The following OSER1 variants were observed in gnomAD, a reference collection of about 807,000 sequenced individuals.
The protein encoded by OSER1 is oxidative stress-responsive serine-rich protein 1.
A neutral mutation model predicts 26.3 loss-of-function variants in OSER1; 15 were observed. The observed-to-expected ratio is 0.57, with a 90% CI of 0.38 to 0.88. OSER1 has a LOEUF of 0.88. Among genes scored for constraint, OSER1 ranks in the 40% least tolerant of loss-of-function variants. The probability of loss-of-function intolerance (pLI) is 0.00; values close to 1 mark genes in which losing one functional copy is unlikely to be tolerated. For synonymous variants in OSER1, 127 were observed against 128.2 expected (o/e 0.99, Z 0.07); for missense variants, 313 against 353.9 (o/e 0.88, Z 0.93).
chr20:44,207,519 A>C (rs2073049888), intron 1 of OSER1: 1 of 152,348 alleles, frequency 6.6e-6, no homozygotes, highest in Non-Finnish European at 1.5e-5. Context: ...ACAAGACGTT[A>C]CCACTGTGAA....
At position 44,207,000 on chromosome 20, in the gene OSER1, TAAA is replaced by T. The variant is rs775469456; in HGVS notation, c.-41-5_-41-3del. On this transcript the variant is annotated splice_region_variant and splice_polypyrimidine_tract_variant and intron_variant, in intron 1 of 3. Transcript: ENST00000255174. ...TACTTATCGATGTTCCTGTTTACAC[TAAA>T]AAAGAAAATAAAGTGAGCAAAGTAA... The T allele has an allele frequency of 6.9e-7, 1 of 1,452,024 alleles. No individual in the cohort carries two copies. The highest frequency in any genetic ancestry group is 1.2e-5 in the South Asian group (1 of 85,342). The allele number at this position is 1,452,024 out of a possible 1,614,324, so 89.9% of individuals were successfully genotyped here. A position where few individuals can be genotyped will look rare whatever the true frequency, so the allele number is the denominator to read the frequency against.
At chr20:44,206,390 G>C (rs1322653212) in intron 2 of OSER1, among the ~76,000 whole-genome samples, 1 of 152,216 alleles carries the variant, frequency 6.6e-6, no homozygotes, top group Non-Finnish European at 1.5e-5. Flanking sequence ...GCTCTAATTA[G>C]TTTGGCCAAA....
Position 44,196,950 on chromosome 20 carries a change from AAG to A in OSER1, c.*100_*101del. On this transcript the variant is annotated 3_prime_UTR_variant, in exon 4 of 4. Transcript: ENST00000255174. Reference sequence around the variant, plus strand: ...TTTTATTGCAAGCACAGTGAGCAGAAAGAGATGTCTTCTCACACAAAGTGGCC... The same window carrying A: ...TTTTATTGCAAGCACAGTGAGCAGAAAGATGTCTTCTCACACAAAGTGGCC... 5 of 774,932 alleles carry A rather than the reference AAG, an allele frequency of 6.5e-6. No homozygotes were observed. The highest frequency in any genetic ancestry group is 1.1e-5 in the Non-Finnish European group (5 of 462,800). The allele number at this position is 774,932 out of a possible 1,614,324, so 48.0% of individuals were successfully genotyped here. A position where few individuals can be genotyped will look rare whatever the true frequency, so the allele number is the denominator to read the frequency against.
At chr20:44,203,361 T>C (rs557685683) in intron 2 of OSER1, among the ~76,000 whole-genome samples, 1 of 152,326 alleles carries the variant, frequency 6.6e-6, no homozygotes, top group Non-Finnish European at 1.5e-5. Context: ...TCAGGCCTTA[T>C]GGCCAGAGAA....
At chr20:44,206,095 G>A (rs1032851924) in intron 2 of OSER1, among the ~76,000 whole-genome samples, 3 of 152,106 alleles carry the variant, frequency 2.0e-5, no homozygotes, top group African/African-American at 7.2e-5. Flanking sequence ...TAGTACCCAT[G>A]TCCTAAGGTG....
At position 44,203,694 on chromosome 20, in the gene OSER1, T is replaced by TAACACACACACACACACACA. The variant is rs1555866748; in HGVS notation, c.78-621_78-620insTGTGTGTGTGTGTGTGTGTT. Among the ~76,000 whole-genome samples the TAACACACACACACACACACA allele has an allele frequency of 1.3e-3, 184 of 145,448 alleles. 2 individuals carry two copies. Among genetic ancestry groups the TAACACACACACACACACACA allele is most frequent in the African/African-American group, 4.5e-3 (178 of 39,206 alleles). ...TGGTGGAAATCCTTCCAGACTTTTT[T>TAACACACACACACACACACA]CACACACACACACACACACACACAC... On this transcript the variant is annotated intron_variant, in intron 2 of 3. Coordinates refer to ENST00000255174, the MANE Select transcript of OSER1 (RefSeq NM_016470.8).
In OSER1 at chr20:44,196,451, C is replaced by T. The variant is rs143110261; in HGVS notation, c.*601G>A. 6.6e-6 allele frequency: 1 copy of T among 152,302 alleles called. No individual in the cohort carries two copies. The highest frequency in any genetic ancestry group is 1.5e-5 in the Non-Finnish European group (1 of 68,156). 9.4% of individuals were successfully genotyped at this position (152,302 alleles called of 1,614,324 possible). ...GTAACATGTCTTAGGATGAATAGCA[C>T]CAGCAGGGGCTTATTTAGTGATGGT... On this transcript the variant is annotated 3_prime_UTR_variant, in exon 4 of 4. Coordinates refer to ENST00000255174, the MANE Select transcript of OSER1 (RefSeq NM_016470.8).
chr20:44,207,155 CAAATG>C (rs976350980), intron 1 of OSER1, 157 bp from the exon 2 acceptor site: 131 of 484,528 alleles, frequency 2.7e-4, no homozygotes, highest in African/African-American at 2.4e-3. Flanking sequence ...TAAAGGGAAA[CAAATG>C]AAATGATACC....
At chr20:44,209,809 A>T (rs1164497445) in intron 1 of OSER1, among the ~76,000 whole-genome samples, 1 of 152,218 alleles carries the variant, frequency 6.6e-6, no homozygotes, top group African/African-American at 2.4e-5. Context: ...CTAGGTCTAC[A>T]CTTCCAGGCC....
intron 3 of OSER1, among the ~76,000 whole-genome samples, chr20:44,202,675 G>T (rs1439778452): frequency 5.3e-5 from 8 of 152,004 alleles, no homozygotes. Context: ...TTGAAAAAAA[G>T]GTTCCAATAA....
At chr20:44,208,615 C>G (rs2073063964) in intron 1 of OSER1, among the ~76,000 whole-genome samples, 2 of 152,324 alleles carry the variant, frequency 1.3e-5, no homozygotes, top group Middle Eastern at 3.4e-3. Context: ...AATACACAAT[C>G]AATTCCTATA....
rs186587148 is a variant in OSER1 at position 44,206,824 on chromosome 20, G to A, written c.77+57C>T. 8.1e-6 allele frequency: 6 copies of A among 744,804 alleles called. No homozygotes were observed. In the Admixed American group the frequency reaches 1.2e-4, roughly 15 times the overall value. 46.1% of individuals were successfully genotyped at this position (744,804 alleles called of 1,614,324 possible). ...GAGGAAGAGCTTTTTAGGGAAAAGG[G>A]ACTATTTAAAATAAGTAAACAAATA... On this transcript the variant is annotated intron_variant, in intron 2 of 3. Transcript: ENST00000255174.
At chr20:44,201,682 G>C (rs570283505) in intron 3 of OSER1, among the ~76,000 whole-genome samples, 10 of 152,330 alleles carry the variant, frequency 6.6e-5, no homozygotes, top group African/African-American at 1.9e-4. Flanking sequence ...AGAGGAAAGG[G>C]TTTCTAAGGA....
chr20:44,201,318 G>A (rs563826592), intron 3 of OSER1, among the ~76,000 whole-genome samples: 23 of 152,332 alleles, frequency 1.5e-4, no homozygotes, highest in African/African-American at 5.5e-4. Context: ...TGAGAGGGGC[G>A]TGTGAGTGGG....
At chr20:44,204,338 C>G (rs189978342) in intron 2 of OSER1, among the ~76,000 whole-genome samples, 7 of 152,232 alleles carry the variant, frequency 4.6e-5, no homozygotes, top group Non-Finnish European at 8.8e-5. Flanking sequence ...CAATATAAAA[C>G]AACTAGAATG....
In OSER1 at chr20:44,196,294, C is replaced by CAAAAAAAAAA. The variant is rs56251501; in HGVS notation, c.*748_*757dup. 1.0e-5 allele frequency among the ~76,000 whole-genome samples: 1 copy of CAAAAAAAAAA among 100,450 alleles called. No individual in the cohort carries two copies. Among genetic ancestry groups the CAAAAAAAAAA allele is most frequent in the Non-Finnish European group, 2.0e-5 (1 of 51,180 alleles). The allele number at this position is 100,450 out of a possible 152,430, so 65.9% of individuals were successfully genotyped here. ...ATGAGACCTGTATTACAACTGATAA[C>CAAAAAAAAAA]AAAAAAAAAAAAAAAAAACCGCCAT... On this transcript the variant is annotated 3_prime_UTR_variant, in exon 4 of 4. Transcript: ENST00000255174.
At chr20:44,208,050 A>G (rs2073056444) in intron 1 of OSER1, among the ~76,000 whole-genome samples, 1 of 152,166 alleles carries the variant, frequency 6.6e-6, no homozygotes, top group Non-Finnish European at 1.5e-5. Flanking sequence ...AAAAATAGAA[A>G]TAGAGAATAT....
chr20:44,204,774 T>C (rs1009430908), intron 2 of OSER1, among the ~76,000 whole-genome samples: 2 of 152,196 alleles, frequency 1.3e-5, no homozygotes, highest in East Asian at 1.9e-4. Flanking sequence ...TTTTTGACCA[T>C]ATATTTTGAA....
intron 3 of OSER1, among the ~76,000 whole-genome samples, chr20:44,199,124 G>C (rs950438900): frequency 1.3e-5 from 2 of 152,180 alleles, no homozygotes; most frequent in Non-Finnish European, 2.9e-5. Flanking sequence ...ACCAAGAAAA[G>C]CCACGAAGTG....
Sources: gnomAD v4.1 joint callset for allele counts (sites outside exome capture counted in the v4.1 genomes callset) on GRCh38, gnomAD v4.1.1 for gene constraint, MANE v1.5 for transcripts, NCBI Gene and HGNC (gene_info 2026-07-23, HGNC 2026-07-21) for gene names.